CCDC191: variants seen among roughly 807,000 people sequenced by gnomAD.
CCDC191 encodes coiled-coil domain containing 191, also known as coiled-coil domain-containing protein 191.
In CCDC191, 99 loss-of-function variants were observed where a neutral mutation model predicts 114.0. The ratio of observed to expected loss-of-function variants is 0.87; its 90% CI spans 0.74 to 1.03. The LOEUF (loss-of-function observed/expected upper bound fraction) is 1.03. CCDC191 is among the 50% of genes least tolerant of loss of function. CCDC191 has a pLI of 0.00. For synonymous variants in CCDC191, 351 were observed against 376.0 expected (o/e 0.93, Z 0.77); for missense variants, 973 against 1,087.0 (o/e 0.90, Z 1.47).
chr3:113,985,356 G>T (rs534260894), intron 13 of CCDC191, among the ~76,000 whole-genome samples: 2 of 152,286 alleles, frequency 1.3e-5, no homozygotes, highest in South Asian at 4.1e-4. Context: ...AGGGGATTCA[G>T]GGGATTCTGC....
At chr3:114,017,800 T>C (rs1476188862) in intron 8 of CCDC191, among the ~76,000 whole-genome samples, 3 of 152,168 alleles carry the variant, frequency 2.0e-5, no homozygotes, top group Non-Finnish European at 4.4e-5. Flanking sequence ...CACCATGGCA[T>C]ACGTATACCT....
At chr3:114,047,030 A>G in intron 2 of CCDC191, 1 of 953,478 alleles carries the variant, frequency 1.0e-6, no homozygotes, top group Non-Finnish European at 1.2e-6. Flanking sequence ...TAGTGATAGG[A>G]TCCTGAGACA....
chr3:113,992,650 C>G (rs765722081), intron 13 of CCDC191, among the ~76,000 whole-genome samples: 6 of 152,148 alleles, frequency 3.9e-5, no homozygotes, highest in Non-Finnish European at 8.8e-5. Context: ...ATGGGTGCAG[C>G]ATACCAACAT....
rs559976427 is a variant in CCDC191, at chr3:114,021,627, G to T, written c.973-2759C>A. Reference sequence around the variant, plus strand: ...AAGTTGCTAGTTCTGTTTTTATTTAGAAGGGTGGCATACTTCCACAGACCT... The same window carrying T: ...AAGTTGCTAGTTCTGTTTTTATTTATAAGGGTGGCATACTTCCACAGACCT... On this transcript the variant is annotated intron_variant, in intron 7 of 16. Coordinates refer to ENST00000295878, the MANE Select transcript of CCDC191 (RefSeq NM_020817.2). Among the ~76,000 whole-genome samples, 12 of 152,134 alleles carry T rather than the reference G, an allele frequency of 7.9e-5. No homozygotes were observed. The East Asian group carries it at 2.3e-3, about 29-fold the overall frequency.
chr3:114,013,145 C>T (rs1225051449), intron 8 of CCDC191, among the ~76,000 whole-genome samples: 1 of 151,590 alleles, frequency 6.6e-6, no homozygotes, highest in African/African-American at 2.4e-5. Context: ...ACTTGGGAGG[C>T]TGAAGTGGGA....
At chr3:114,056,294 G>T in intron 1 of CCDC191, 83 bp downstream of exon 1, 1 of 1,322,402 alleles carries the variant, frequency 7.6e-7, no homozygotes, top group Non-Finnish European at 1.1e-6. Context: ...GAGGCAGGAA[G>T]CACAGACGGG....
chr3:113,999,835 T>C (rs1577386345), intron 13 of CCDC191, among the ~76,000 whole-genome samples: 1 of 152,240 alleles, frequency 6.6e-6, no homozygotes, highest in African/African-American at 2.4e-5. Flanking sequence ...TAATATTATA[T>C]CATTTATGCT....
chr3:114,039,267 A>C (rs1478047803), intron 4 of CCDC191: 2 of 152,136 alleles, frequency 1.3e-5, no homozygotes, highest in Non-Finnish European at 2.9e-5. Context: ...CCACTCTGAG[A>C]GGCCGAAATG....
At chr3:113,998,254 C>T (rs547522868) in intron 13 of CCDC191, among the ~76,000 whole-genome samples, 6 of 146,796 alleles carry the variant, frequency 4.1e-5, no homozygotes, top group South Asian at 2.2e-4. Context: ...TGCAGTGAGC[C>T]GAGATCGCAC....
At position 113,987,129 on chromosome 3, in the gene CCDC191, GAAA is replaced by G. The variant is rs56971862; in HGVS notation, c.2164-6339_2164-6337del. Reference sequence around the variant, plus strand: ...GAGTAACATCATTAAGGTGTTGAAAGAAAAAAAAAAAAAACACCTGTCAACCCA... The same window carrying G: ...GAGTAACATCATTAAGGTGTTGAAAGAAAAAAAAAAACACCTGTCAACCCA... On this transcript the variant is annotated intron_variant, in intron 13 of 16. Coordinates refer to ENST00000295878, the MANE Select transcript of CCDC191 (RefSeq NM_020817.2). Among the ~76,000 whole-genome samples, 694 of 139,180 alleles carry G rather than the reference GAAA, an allele frequency of 5.0e-3. 7 individuals are homozygous for G. Among genetic ancestry groups the G allele is most frequent in the African/African-American group, 0.017 (658 of 38,110 alleles). 91.3% of individuals were successfully genotyped at this position (139,180 alleles called of 152,430 possible).
At chr3:114,040,061 G>T (rs2076540166) in intron 4 of CCDC191, among the ~76,000 whole-genome samples, 1 of 152,122 alleles carries the variant, frequency 6.6e-6, no homozygotes, top group African/African-American at 2.4e-5. Context: ...CCCTGTACAG[G>T]TGTCCCATTT....
At chr3:113,992,616 T>C (rs1216403987) in intron 13 of CCDC191, among the ~76,000 whole-genome samples, 1 of 152,074 alleles carries the variant, frequency 6.6e-6, no homozygotes, top group African/African-American at 2.4e-5. Flanking sequence ...TTAGTAGATA[T>C]ACCTAATGCT....
intron 7 of CCDC191, among the ~76,000 whole-genome samples, chr3:114,025,246 C>T (rs540794448): frequency 6.8e-6 from 1 of 147,026 alleles, no homozygotes; most frequent in African/African-American, 2.5e-5. Context: ...TCTCCTTCCT[C>T]ATTTCAACTT....
intron 6 of CCDC191, among the ~76,000 whole-genome samples, chr3:114,034,188 A>G (rs1559925101): frequency 6.6e-6 from 1 of 152,186 alleles, no homozygotes; most frequent in Non-Finnish European, 1.5e-5. Flanking sequence ...CCATATGTTT[A>G]TCAGAAAATA....
chr3:114,005,095 C>T (rs775128502), intron 10 of CCDC191, among the ~76,000 whole-genome samples: 3 of 152,128 alleles, frequency 2.0e-5, no homozygotes, highest in Non-Finnish European at 4.4e-5. Flanking sequence ...ATTTGAGGCT[C>T]AAAGATGTTT....
chr3:114,008,382 G>A (rs947492258), intron 9 of CCDC191, among the ~76,000 whole-genome samples: 1 of 151,878 alleles, frequency 6.6e-6, no homozygotes, highest in African/African-American at 2.4e-5. Flanking sequence ...CTTGCTCAGA[G>A]AATAAGCTTA....
At chr3:114,032,279 GA>G (rs1206177728) in intron 6 of CCDC191, among the ~76,000 whole-genome samples, 1 of 152,024 alleles carries the variant, frequency 6.6e-6, no homozygotes, top group Non-Finnish European at 1.5e-5. Context: ...GCTGAAAAGA[GA>G]AAAAAATAGA....
At chr3:114,048,038 C>T (rs1463592958) in intron 2 of CCDC191, among the ~76,000 whole-genome samples, 1 of 152,130 alleles carries the variant, frequency 6.6e-6, no homozygotes, top group Non-Finnish European at 1.5e-5. Flanking sequence ...TCCCAGAAAC[C>T]TGCTTTCTCC....
At position 114,002,391 on chromosome 3, in the gene CCDC191, A is replaced by G. The variant is rs544319542; in HGVS notation, c.2061+65T>C. 38 of 1,234,032 alleles carry G rather than the reference A, an allele frequency of 3.1e-5. No individual in the cohort carries two copies. In the South Asian group the frequency reaches 4.8e-4, roughly 16 times the overall value. 76.4% of individuals were successfully genotyped at this position (1,234,032 alleles called of 1,614,324 possible). A position where few individuals can be genotyped will look rare whatever the true frequency, so the allele number is the denominator to read the frequency against. On this transcript the variant is annotated intron_variant, in intron 12 of 16. Coordinates refer to ENST00000295878, the MANE Select transcript of CCDC191 (RefSeq NM_020817.2). ...AGGAGTTCTGAAAAAGCAAGGTTTCATTTTTTAAGAAAGACCTGGACAAAT... is the reference window on the plus strand; with the variant it reads ...AGGAGTTCTGAAAAAGCAAGGTTTCGTTTTTTAAGAAAGACCTGGACAAAT...
Sources: allele counts gnomAD v4.1 joint callset (sites outside exome capture counted in the v4.1 genomes callset), GRCh38; gene constraint gnomAD v4.1.1; transcripts MANE v1.5; gene names NCBI Gene and HGNC (gene_info 2026-07-23, HGNC 2026-07-21).